The following PKD1 variants were observed in gnomAD, a reference collection of about 807,000 sequenced individuals.
PKD1 encodes the protein polycystin 1, transient receptor potential channel interacting.
PKD1 carries 81 observed loss-of-function variants against 361.7 expected under a neutral mutation model. The ratio of observed to expected loss-of-function variants is 0.22; its 90% CI spans 0.19 to 0.27. The LOEUF (loss-of-function observed/expected upper bound fraction) is 0.27. Among genes scored for constraint, PKD1 ranks in the 10% least tolerant of loss-of-function variants. PKD1 has a pLI of 1.00. For missense variants in PKD1, 6,399 were observed against 6,118.3 expected, an observed-to-expected ratio of 1.05 and a Z score of -1.53; for synonymous variants, 3,615 against 2,818.3, an observed-to-expected ratio of 1.28 and a Z score of -8.95.
At chr16:2,113,569 CCT>C (rs146057317) in intron 11 of PKD1, among the ~76,000 whole-genome samples, 4,000 of 152,298 alleles carry the variant, frequency 0.026, 191 homozygotes, top group African/African-American at 0.091. Flanking sequence ...AAAGAGTCCA[CCT>C]CTCTCTGAGT....
intron 15 of PKD1, 27 bp from the exon 16 acceptor site, chr16:2,108,059 T>G (rs753649814): frequency 6.3e-7 from 1 of 1,582,102 alleles, no homozygotes; most frequent in Non-Finnish European, 8.6e-7. Context: ...AGGGGCGACG[T>G]GGCCTGAGAG....
intron 1 of PKD1, among the ~76,000 whole-genome samples, chr16:2,127,269 G>C (rs116103291): frequency 2.6e-5 from 4 of 152,332 alleles, no homozygotes; most frequent in South Asian, 2.1e-4. Context: ...GAGTGAGGAC[G>C]GTACTCGCGG....
Position 2,112,533 on chromosome 16 carries a change from G to C in PKD1, c.3162-60C>G, listed in dbSNP as rs1429696515. The stretch of plus-strand genomic sequence containing the variant: ...GACAGGGGTGGGCGGTGGCGGGGCA[G>C]GGGGTGCTTGGGACCCAGCCGAGGC... On this transcript the variant is annotated intron_variant, in intron 13 of 45. Transcript: ENST00000262304. 3.4e-6 allele frequency: 5 copies of C among 1,464,592 alleles called. No individual in the cohort carries two copies. In the East Asian group the frequency reaches 1.2e-4, roughly 35 times the overall value. The allele number at this position is 1,464,592 out of a possible 1,614,324, so 90.7% of individuals were successfully genotyped here.
intron 1 of PKD1, among the ~76,000 whole-genome samples, chr16:2,127,409 C>G (rs189643718): frequency 5.3e-5 from 8 of 152,236 alleles, no homozygotes; most frequent in Admixed American, 6.5e-5. Context: ...CACAGCCACG[C>G]GGCCCTGCGC....
Position 2,135,762 on chromosome 16 carries a change from G to A in PKD1, c.-73C>T, listed in dbSNP as rs1448379695. 3.2e-5 allele frequency: 31 copies of A among 953,874 alleles called. No homozygotes were observed. The highest frequency in any genetic ancestry group is 3.9e-5 in the Non-Finnish European group (31 of 804,222). 59.1% of individuals were successfully genotyped at this position (953,874 alleles called of 1,614,324 possible). A position where few individuals can be genotyped will look rare whatever the true frequency, so the allele number is the denominator to read the frequency against. On this transcript the variant is annotated 5_prime_UTR_variant, in exon 1 of 46. Coordinates refer to ENST00000262304, the MANE Select transcript of PKD1 (RefSeq NM_001009944.3). ...GCGCGGAGGCCGCAGCTCAGGCGGG[G>A]CCCGCGGACGGCATGGCGGGCGCGG...
rs1596480308 is a variant in PKD1, at chr16:2,091,542, C to T, written c.11593G>A (p.Ala3865Thr). The T allele has an allele frequency of 1.3e-6, 2 of 1,509,668 alleles. No homozygotes were observed. The highest frequency in any genetic ancestry group is 8.7e-7 in the Non-Finnish European group (1 of 1,142,882). The allele number at this position is 1,509,668 out of a possible 1,614,324, so 93.5% of individuals were successfully genotyped here. The change falls in exon 42 of 46, where the codon GCC (alanine) becomes ACC (threonine). Residue 3865 changes from alanine (A) to threonine (T), a missense_variant. Coordinates refer to ENST00000262304, the MANE Select transcript of PKD1 (RefSeq NM_001009944.3). ...AACTCGAGGCGCAGCGTGACGGCGG[C>T]GTGCAGCCCCACGGCCGGGCTGTAG... Reference protein sequence around the residue: ...TRYSPAVGLHAAVTLRLEFPA... With the variant: ...TRYSPAVGLHTAVTLRLEFPA...
At chr16:2,128,483 G>A (rs1282260937) in intron 1 of PKD1, among the ~76,000 whole-genome samples, 3 of 152,018 alleles carry the variant, frequency 2.0e-5, no homozygotes, top group Admixed American at 6.5e-5. Context: ...GGGCACTAGT[G>A]TGGGCCCCAG....
chr16:2,104,383 A>AG, intron 22 of PKD1, 115 bp downstream of exon 22: 2 of 472,350 alleles, frequency 4.2e-6, no homozygotes, highest in Non-Finnish European at 3.7e-6. Context: ...AATTGGGGGG[A>AG]GGGGAGGGGG....
rs560049593 is a variant in PKD1 at position 2,135,583 on chromosome 16, G to A, written c.107C>T (p.Pro36Leu). The A allele has an allele frequency of 1.8e-5, 19 of 1,068,454 alleles. No individual in the cohort carries two copies. The highest frequency in any genetic ancestry group is 2.1e-5 in the Non-Finnish European group (19 of 885,190). 66.2% of individuals were successfully genotyped at this position (1,068,454 alleles called of 1,614,324 possible). The change falls in exon 1 of 46, where the codon CCC (proline) becomes CTC (leucine). Residue 36 changes from proline (P) to leucine (L), a missense_variant. By Grantham distance (98) the Pro-to-Leu change is moderately conservative. Transcript: ENST00000262304. ...PGRGCGPCEP[P>L]CLCGPAPGAA... ...GCCGGGCGCTGGGCCGCAGAGGCAG[G>A]GGGGCTCGCAGGGCCCGCAGCCGCG... is the stretch of plus-strand genomic sequence containing the variant.
At chr16:2,094,892 CGCCCTCGTCA>C (rs2091779293) in intron 34 of PKD1, 1 of 152,884 alleles carries the variant, frequency 6.5e-6, no homozygotes. Flanking sequence ...CCCGTACCTG[CGCCCTCGTCA>C]GCCCATCACC....
At chr16:2,122,735 G>A (rs1052212815) in intron 1 of PKD1, among the ~76,000 whole-genome samples, 14 of 152,318 alleles carry the variant, frequency 9.2e-5, no homozygotes, top group African/African-American at 2.6e-4. Context: ...CAGAACCAAT[G>A]CTTTAGGGAG....
intron 26 of PKD1, among the ~76,000 whole-genome samples, chr16:2,101,578 A>G (rs1294764510): frequency 6.6e-6 from 1 of 152,166 alleles, no homozygotes; most frequent in East Asian, 1.9e-4. Flanking sequence ...AGATCATGCC[A>G]TTGCACTCCA....
chr16:2,119,473 T>C, intron 1 of PKD1, 95 bp from the exon 2 acceptor site: 1 of 722,378 alleles, frequency 1.4e-6, no homozygotes, highest in Non-Finnish European at 2.5e-6. Flanking sequence ...ATCCCCAAGC[T>C]ATGGCCTCCC....
rs774316162 is a variant in PKD1, at chr16:2,090,139, C to A, written c.12500G>T (p.Arg4167Met). 11 of 1,596,634 alleles carry A rather than the reference C, an allele frequency of 6.9e-6. No homozygotes were observed. Among genetic ancestry groups the A allele is most frequent in the East Asian group, 2.2e-5 (1 of 44,600 alleles). The change falls in exon 46 of 46, where the codon AGG (arginine) becomes ATG (methionine). Residue 4167 changes from arginine to methionine, a missense_variant. Physicochemically the swap from Arg to Met is moderately conservative, Grantham distance 91 (BLOSUM62 -1). Transcript: ENST00000262304. The part of the protein sequence containing the change: ...GMEPLPSRSS[R>M]GSKVSPDVPP... ...CACATCCGGGGATACCTTGGAGCCCCTGGAGGAGCGAGAGGGCAGCGGCTC... is the reference window on the plus strand; with the variant it reads ...CACATCCGGGGATACCTTGGAGCCCATGGAGGAGCGAGAGGGCAGCGGCTC...
intron 37 of PKD1, chr16:2,093,311 AG>A: frequency 1.5e-6 from 1 of 675,004 alleles, no homozygotes; most frequent in Admixed American, 2.6e-5. Context: ...AGTGGTGCTT[AG>A]GGGCCTTCAG....
At position 2,090,558 on chromosome 16, in the gene PKD1, G is replaced by C; in HGVS notation, c.12171C>G (p.Ser4057Arg). The change falls in exon 45 of 46, where the codon AGC (serine) becomes AGG (arginine). Residue 4057 changes from serine (S) to arginine (R), a missense_variant. By Grantham distance (110) the Ser-to-Arg change is moderately radical (BLOSUM62 -1). Coordinates refer to ENST00000262304, the MANE Select transcript of PKD1 (RefSeq NM_001009944.3). ...ACAGCACCAACAGGGCCTGGGCCAC[G>C]CTCCAGAGGGAGTCCACACAGGAAG... ...LVSSCVDSLW[S>R]VAQALLVLCP... 2 of 1,609,102 alleles carry C rather than the reference G, an allele frequency of 1.2e-6. No individual in the cohort carries two copies. Among genetic ancestry groups the C allele is most frequent in the Non-Finnish European group, 1.7e-6 (2 of 1,179,562 alleles).
chr16:2,121,054 G>A lies in PKD1; in HGVS notation c.216-1676C>T, dbSNP rs561986231. On this transcript the variant is annotated intron_variant, in intron 1 of 45. Coordinates refer to ENST00000262304, the MANE Select transcript of PKD1 (RefSeq NM_001009944.3). ...AAGAAAAGAAAAGAAAGAAAGGGAGGAGAGAGAGAAGAAAAGGAGAAGGGG... is the reference window on the plus strand; with the variant it reads ...AAGAAAAGAAAAGAAAGAAAGGGAGAAGAGAGAGAAGAAAAGGAGAAGGGG... Among the ~76,000 whole-genome samples the A allele has an allele frequency of 2.6e-3, 393 of 151,944 alleles. 2 individuals carry two copies. Among genetic ancestry groups the A allele is most frequent in the African/African-American group, 8.9e-3 (367 of 41,464 alleles).
intron 30 of PKD1, chr16:2,098,223 CTTT>C (rs1567166542): frequency 5.2e-6 from 3 of 578,394 alleles, no homozygotes; most frequent in Non-Finnish European, 9.3e-6. Context: ...TTCATATTTT[CTTT>C]TTTAGATGGA....
At chr16:2,115,678 GA>G in intron 9 of PKD1, 53 bp from the exon 10 acceptor site, 1 of 1,552,172 alleles carries the variant, frequency 6.4e-7, no homozygotes, top group Non-Finnish European at 8.7e-7. Context: ...GCCACCGTCA[GA>G]GATGCCCAAC....
Sources: gnomAD v4.1 joint callset for allele counts (sites outside exome capture counted in the v4.1 genomes callset) on GRCh38, gnomAD v4.1.1 for gene constraint, MANE v1.5 for transcripts, NCBI Gene and HGNC (gene_info 2026-07-23, HGNC 2026-07-21) for gene names.